The following NIPA2 variants were observed in gnomAD, a reference collection of about 807,000 sequenced individuals.
NIPA2 encodes NIPA magnesium transporter 2, also known as magnesium transporter NIPA2.
In NIPA2, 11 loss-of-function variants were observed where a neutral mutation model predicts 29.7. The observed-to-expected ratio is 0.37, with a 90% CI of 0.23 to 0.61. The LOEUF (loss-of-function observed/expected upper bound fraction) is 0.61. NIPA2 is among the 20% of genes least tolerant of loss of function. NIPA2 has a pLI of 0.66. For synonymous variants in NIPA2, 183 were observed against 161.9 expected, an observed-to-expected ratio of 1.13 and a Z score of -0.99; for missense variants, 426 against 437.9, an observed-to-expected ratio of 0.97 and a Z score of 0.24.
At chr15:22,844,446 C>T (rs11263681) in intron 2 of NIPA2, among the ~76,000 whole-genome samples, 55,794 of 151,626 alleles carry the variant, frequency 0.37, 11,477 homozygotes, top group South Asian at 0.5. Context: ...CCCAGCTATG[C>T]GGGAGGCTGA....
intron 4 of NIPA2, among the ~76,000 whole-genome samples, chr15:22,852,740 G>T (rs1432861362): frequency 6.6e-6 from 1 of 152,148 alleles, no homozygotes; most frequent in Non-Finnish European, 1.5e-5. Flanking sequence ...GTAGCTCCCG[G>T]TGTTAAGTGG....
In NIPA2 at chr15:22,867,659, G is replaced by A; in HGVS notation, c.*812G>A. ...TCATTTAGACTTTGAACAGCTCTGG[G>A]AAATAGAAGACTAGGGTTGTTTCTT... On this transcript the variant is annotated 3_prime_UTR_variant, in exon 8 of 8. Coordinates refer to ENST00000337451, the MANE Select transcript of NIPA2 (RefSeq NM_030922.7). 1 of 150,316 alleles carries A rather than the reference G, an allele frequency of 6.7e-6. No homozygotes were observed. Among genetic ancestry groups the A allele is most frequent in the African/African-American group, 2.4e-5 (1 of 40,894 alleles). 9.3% of individuals were successfully genotyped at this position (150,316 alleles called of 1,614,324 possible).
intron 2 of NIPA2, among the ~76,000 whole-genome samples, chr15:22,844,806 G>C (rs958364361): frequency 2.0e-5 from 3 of 152,228 alleles, no homozygotes; most frequent in Middle Eastern, 3.4e-3. Context: ...CCCACACACA[G>C]AATAAGCAGA....
intron 7 of NIPA2, among the ~76,000 whole-genome samples, chr15:22,863,332 C>T (rs1370006727): frequency 6.6e-6 from 1 of 152,086 alleles, no homozygotes; most frequent in East Asian, 1.9e-4. Flanking sequence ...GATCCACCTC[C>T]CTCGGCCTCC....
chr15:22,851,614 C>G, intron 3 of NIPA2, 25 bp from the exon 4 acceptor site: 1 of 786,660 alleles, frequency 1.3e-6, no homozygotes, highest in South Asian at 2.6e-5. Context: ...TCTGTGAAAA[C>G]CACATTTCAT....
chr15:22,859,290 C>CTTTT (rs60644942), intron 6 of NIPA2, among the ~76,000 whole-genome samples: 22 of 97,314 alleles, frequency 2.3e-4, no homozygotes, highest in Admixed American at 3.8e-4. Context: ...ATTTCTTTTT[C>CTTTT]TTTTTTTTTT....
At chr15:22,860,874 G>C in intron 7 of NIPA2, 85 bp downstream of exon 7, 1 of 979,520 alleles carries the variant, frequency 1.0e-6, no homozygotes, top group Non-Finnish European at 1.5e-6. Flanking sequence ...AGCACATAAG[G>C]AAAGAAATTG....
At chr15:22,842,791 C>T (rs528915106) in intron 2 of NIPA2, among the ~76,000 whole-genome samples, 6 of 149,904 alleles carry the variant, frequency 4.0e-5, no homozygotes, top group East Asian at 1.9e-4. Context: ...ATTGCGCCAG[C>T]GCACTCCAGC....
At chr15:22,844,517 G>T (rs1028881763) in intron 2 of NIPA2, among the ~76,000 whole-genome samples, 6 of 151,872 alleles carry the variant, frequency 4.0e-5, no homozygotes, top group Non-Finnish European at 4.4e-5. Flanking sequence ...TGGCGCCATC[G>T]CACTCCAGCC....
At chr15:22,865,687 T>C (rs1318308842) in intron 7 of NIPA2, among the ~76,000 whole-genome samples, 1 of 152,156 alleles carries the variant, frequency 6.6e-6, no homozygotes, top group Non-Finnish European at 1.5e-5. Context: ...ATTATCATGC[T>C]GGATTTAATT....
intron 3 of NIPA2, among the ~76,000 whole-genome samples, chr15:22,849,563 A>AT (rs11423765): frequency 0.31 from 44,991 of 144,366 alleles, 8,125 homozygotes; most frequent in African/African-American, 0.5. Flanking sequence ...ATGTTTCAGT[A>AT]TTTTTTTTTT....
At chr15:22,865,894 C>T (rs149294170) in intron 7 of NIPA2, among the ~76,000 whole-genome samples, 2 of 152,058 alleles carry the variant, frequency 1.3e-5, no homozygotes, top group Non-Finnish European at 2.9e-5. Flanking sequence ...ATGGTTTCTC[C>T]TCCCTAGTTT....
chr15:22,850,446 T>C (rs2057649123), intron 3 of NIPA2, among the ~76,000 whole-genome samples: 1 of 152,200 alleles, frequency 6.6e-6, no homozygotes, highest in Non-Finnish European at 1.5e-5. Context: ...CATTGAATCA[T>C]ACAGGAACGA....
chr15:22,842,721 C>T (rs947264271), intron 2 of NIPA2, among the ~76,000 whole-genome samples: 1 of 152,050 alleles, frequency 6.6e-6, no homozygotes, highest in African/African-American at 2.4e-5. Context: ...CCCAGATACT[C>T]AGGAGGCTGA....
At chr15:22,841,018 TG>T (rs1896951068) in intron 2 of NIPA2, among the ~76,000 whole-genome samples, 1 of 27,580 alleles carries the variant, frequency 3.6e-5, no homozygotes, top group Non-Finnish European at 6.8e-5. Context: ...AAAGGTGGGG[TG>T]GGGGTGGGAG....
chr15:22,860,916 T>C lies in NIPA2; in HGVS notation c.448+127T>C, dbSNP rs529841720. The C allele has an allele frequency of 5.9e-4, 380 of 645,424 alleles. No individual in the cohort carries two copies. The African/African-American group carries it at 6.6e-3, about 11-fold the overall frequency. 40.0% of individuals were successfully genotyped at this position (645,424 alleles called of 1,614,324 possible). A position where few individuals can be genotyped will look rare whatever the true frequency, so the allele number is the denominator to read the frequency against. On this transcript the variant is annotated intron_variant, in intron 7 of 7. Coordinates refer to ENST00000337451, the MANE Select transcript of NIPA2 (RefSeq NM_030922.7). ...CTGGTAGAAGAACAAATTGTCGTCA[T>C]GTTCCCTGCTCCCTCCTATCAATCC...
chr15:22,844,823 TAA>T (rs1228315621), intron 2 of NIPA2, among the ~76,000 whole-genome samples: 2 of 152,164 alleles, frequency 1.3e-5, no homozygotes, highest in African/African-American at 4.8e-5. Context: ...CAGAAAATCA[TAA>T]GACTCTTTAA....
intron 5 of NIPA2, among the ~76,000 whole-genome samples, chr15:22,857,831 C>A (rs1301353787): frequency 5.1e-5 from 5 of 97,582 alleles, no homozygotes; most frequent in Admixed American, 1.2e-4. Context: ...AGCAAGACTC[C>A]ATCTCAAAAA....
intron 5 of NIPA2, among the ~76,000 whole-genome samples, chr15:22,858,262 C>T (rs2058349558): frequency 6.6e-6 from 1 of 152,034 alleles, no homozygotes; most frequent in African/African-American, 2.4e-5. Flanking sequence ...GGCATAGTGG[C>T]GAGTGCCTGC....
Sources: allele counts gnomAD v4.1 joint callset (sites outside exome capture counted in the v4.1 genomes callset), GRCh38; gene constraint gnomAD v4.1.1; transcripts MANE v1.5; gene names NCBI Gene and HGNC (gene_info 2026-07-23, HGNC 2026-07-21).